SIK3: variants seen among roughly 807,000 people sequenced by gnomAD.
SIK3 encodes the protein SIK family kinase 3, also known as serine/threonine-protein kinase SIK3.
Under a neutral mutation model 144.2 loss-of-function variants are expected in SIK3, and 28 were observed. The ratio of observed to expected loss-of-function variants is 0.19; its 90% CI spans 0.14 to 0.27. SIK3 has a LOEUF of 0.27. SIK3 is among the 10% of genes least tolerant of loss of function. The probability of loss-of-function intolerance (pLI) is 1.00; values close to 1 mark genes in which losing one functional copy is unlikely to be tolerated. For synonymous variants in SIK3, 686 were observed against 676.3 expected, an observed-to-expected ratio of 1.01 and a Z score of -0.22; for missense variants, 1,319 against 1,776.0, an observed-to-expected ratio of 0.74 and a Z score of 4.62.
At chr11:116,977,821 G>A (rs185811146) in intron 1 of SIK3, among the ~76,000 whole-genome samples, 8 of 152,120 alleles carry the variant, frequency 5.3e-5, no homozygotes, top group African/African-American at 1.7e-4. Context: ...TCCTAGGCAC[G>A]CTCTCTATTT....
chr11:117,093,347 T>A (rs190103899), intron 1 of SIK3, among the ~76,000 whole-genome samples: 1 of 152,360 alleles, frequency 6.6e-6, no homozygotes, highest in African/African-American at 2.4e-5. Context: ...CCGATGTGTC[T>A]GGCTAGTCAA....
chr11:117,013,044 T>C (rs1045936040), intron 1 of SIK3, among the ~76,000 whole-genome samples: 4 of 152,018 alleles, frequency 2.6e-5, no homozygotes, highest in Non-Finnish European at 4.4e-5. Context: ...CAATTACTTT[T>C]ACACTAACCT....
intron 4 of SIK3, among the ~76,000 whole-genome samples, chr11:116,907,823 A>G (rs1459903932): frequency 2.0e-5 from 3 of 152,148 alleles, no homozygotes; most frequent in South Asian, 2.1e-4. Context: ...TAGACACTGT[A>G]TATCAATGGG....
Position 116,870,363 on chromosome 11 carries a change from T to C in SIK3, c.1776A>G (p.Ser592=), listed in dbSNP as rs142709297. The C allele has an allele frequency of 3.1e-6, 5 of 1,612,640 alleles. No individual in the cohort carries two copies. The African/African-American group carries it at 6.7e-5, about 22-fold the overall frequency. The change falls in exon 14 of 25, where the codon TCA becomes TCG. Residue 592 remains serine, a synonymous_variant. Transcript: ENST00000445177. ...CAGCTTCCTGGTCTGGCTCCCCGTC[T>C]GAGCTCTCCTCGTCCACAGGGGTAA... ...PAVTPVDEES[S]DGEPDQEAVQ... is the part of the protein sequence containing the mutation.
intron 1 of SIK3, among the ~76,000 whole-genome samples, chr11:117,093,019 C>G (rs1166629096): frequency 6.6e-6 from 1 of 152,192 alleles, no homozygotes; most frequent in African/African-American, 2.4e-5. Flanking sequence ...TCAGTCTTAG[C>G]TCTTTACAAA....
chr11:116,861,355 G>C lies in SIK3; in HGVS notation c.2344C>G (p.Pro782Ala), dbSNP rs1407672895. The C allele has an allele frequency of 1.3e-6, 2 of 1,597,576 alleles. No individual in the cohort carries two copies. The highest frequency in any genetic ancestry group is 1.7e-6 in the Non-Finnish European group (2 of 1,174,754). The part of the protein sequence containing the change: ...RLRIQPSSPP[P>A]NHPNNHLFRQ... ...AAGAGATGGTTGTTGGGGTGGTTGG[G>C]GGGTGGGCTTGAAGGCTGAATCCTT... The change falls in exon 19 of 25, where the codon CCC (proline) becomes GCC (alanine). Residue 782 changes from proline to alanine, a missense_variant. By Grantham distance (27) the Pro-to-Ala change is conservative. Coordinates refer to ENST00000445177, the MANE Select transcript of SIK3 (RefSeq NM_001366686.3).
chr11:116,950,458 A>G (rs1948881509), intron 3 of SIK3, among the ~76,000 whole-genome samples: 1 of 152,248 alleles, frequency 6.6e-6, no homozygotes, highest in South Asian at 2.1e-4. Context: ...GGAGAAAGAG[A>G]TAACAGCCAA....
At chr11:116,994,257 C>A (rs931885399) in intron 1 of SIK3, among the ~76,000 whole-genome samples, 1 of 152,182 alleles carries the variant, frequency 6.6e-6, no homozygotes, top group African/African-American at 2.4e-5. Flanking sequence ...AGTCTCCAAG[C>A]CAAACCTTTG....
intron 3 of SIK3, among the ~76,000 whole-genome samples, chr11:116,931,351 A>T (rs1047630059): frequency 6.6e-6 from 1 of 152,240 alleles, no homozygotes; most frequent in African/African-American, 2.4e-5. Context: ...AAGAGCAAAA[A>T]TACACAGAAG....
chr11:117,023,973 C>T lies in SIK3; in HGVS notation c.274-66909G>A, dbSNP rs192691255. Among the ~76,000 whole-genome samples the T allele has an allele frequency of 6.7e-4, 102 of 152,216 alleles. 1 individual carries two copies. Among genetic ancestry groups the T allele is most frequent in the African/African-American group, 2.4e-3 (98 of 41,530 alleles). ...GAATTACAGGCATGAGCCACCACAC[C>T]CGGGCCTGGACAGACTTTTGTCACA... On this transcript the variant is annotated intron_variant, in intron 1 of 24. Transcript: ENST00000445177.
rs774631696 is a variant in SIK3, at chr11:116,862,304, C to T, written c.2127G>A (p.Met709Ile). 2.5e-6 allele frequency: 4 copies of T among 1,614,144 alleles called. No individual in the cohort carries two copies. The South Asian group carries it at 3.3e-5, about 13-fold the overall frequency. ...TTCTTTCATCAATCTGCCCCCCGTA[C>T]ATCTTCTGCAGCTGCTCACACTCCT... Reference protein sequence around the residue: ...LQQECEQLQKMYGGQIDERTL... With the variant: ...LQQECEQLQKIYGGQIDERTL... Residue 709 changes from methionine (M) to isoleucine (I), a missense_variant, in exon 17 of 25, where the codon ATG becomes ATA. Met to Ile is a conservative substitution (Grantham distance 10, BLOSUM62 1). Transcript: ENST00000445177.
chr11:117,000,488 A>G (rs778155474), intron 1 of SIK3, among the ~76,000 whole-genome samples: 2 of 152,236 alleles, frequency 1.3e-5, no homozygotes, highest in Non-Finnish European at 2.9e-5. Flanking sequence ...AAGCCAAGAA[A>G]TAATAAAATA....
chr11:117,019,298 G>A (rs1565562690), intron 1 of SIK3, among the ~76,000 whole-genome samples: 1 of 152,084 alleles, frequency 6.6e-6, no homozygotes, highest in Non-Finnish European at 1.5e-5. Context: ...AGGATTACAG[G>A]GTGAGCCACC....
intron 4 of SIK3, among the ~76,000 whole-genome samples, chr11:116,900,392 C>T (rs998587191): frequency 1.3e-5 from 2 of 152,194 alleles, no homozygotes; most frequent in South Asian, 4.1e-4. Flanking sequence ...TTGACTGATG[C>T]TATTGCTTAC....
chr11:116,984,972 T>C (rs1387825820), intron 1 of SIK3, among the ~76,000 whole-genome samples: 4 of 152,228 alleles, frequency 2.6e-5, no homozygotes, highest in Admixed American at 6.5e-5. Context: ...ACTTTCTTCA[T>C]AGCGAAACTT....
chr11:117,002,621 A>T (rs1423109570), intron 1 of SIK3, among the ~76,000 whole-genome samples: 1 of 152,228 alleles, frequency 6.6e-6, no homozygotes, highest in African/African-American at 2.4e-5. Flanking sequence ...TACAAGAAAA[A>T]AAAACCACAT....
intron 23 of SIK3, among the ~76,000 whole-genome samples, chr11:116,847,184 A>G (rs1429374259): frequency 6.6e-6 from 1 of 152,222 alleles, no homozygotes; most frequent in Non-Finnish European, 1.5e-5. Flanking sequence ...ATGTGCCATT[A>G]GGACCTGATG....
Position 116,849,507 on chromosome 11 carries a change from G to GT in SIK3, c.3656-225dup, listed in dbSNP as rs1942264091. 1.3e-5 allele frequency among the ~76,000 whole-genome samples: 2 copies of GT among 152,236 alleles called. No individual in the cohort carries two copies. The highest frequency in any genetic ancestry group is 2.9e-5 in the Non-Finnish European group (2 of 68,026). ...CACACCCTTAGGGAAAAAATTCCAC[G>GT]TAACAGGGCATGGCTGGACCCCACC... On this transcript the variant is annotated intron_variant, in intron 21 of 24. Coordinates refer to ENST00000445177, the MANE Select transcript of SIK3 (RefSeq NM_001366686.3). This position sits in a 1 kb window ranked among gnomAD's most constrained non-coding sequence, Gnocchi z 4.2.
chr11:116,875,327 G>A (rs762355520), intron 10 of SIK3, 47 bp downstream of exon 10: 1 of 1,612,590 alleles, frequency 6.2e-7, no homozygotes, highest in Non-Finnish European at 8.5e-7. Context: ...CAAGGATATG[G>A]CAAAGAAAGT....
Sources: allele counts gnomAD v4.1 joint callset (sites outside exome capture counted in the v4.1 genomes callset), GRCh38; gene constraint gnomAD v4.1.1; non-coding constraint Gnocchi (gnomAD v3.1); transcripts MANE v1.5; gene names NCBI Gene and HGNC (gene_info 2026-07-23, HGNC 2026-07-21).